ARHGAP44: variants seen among roughly 807,000 people sequenced by gnomAD.
ARHGAP44 encodes Rho GTPase activating protein 44, also known as rho GTPase-activating protein 44.
A neutral mutation model predicts 106.8 loss-of-function variants in ARHGAP44; 43 were observed. The observed-to-expected ratio is 0.40, with a 90% confidence interval of 0.32 to 0.52. The LOEUF (loss-of-function observed/expected upper bound fraction) is 0.52, where lower values mean the gene tolerates loss of function less well. ARHGAP44 is among the 20% of genes least tolerant of loss of function. ARHGAP44 has a pLI of 0.48. For missense variants in ARHGAP44, 866 were observed against 1,050.5 expected, an observed-to-expected ratio of 0.82 and a Z score of 2.43; for synonymous variants, 439 against 410.3, an observed-to-expected ratio of 1.07 and a Z score of -0.85.
chr17:12,808,594 G>A (rs1238249370), intron 1 of ARHGAP44, among the ~76,000 whole-genome samples: 1 of 152,256 alleles, frequency 6.6e-6, no homozygotes, highest in Non-Finnish European at 1.5e-5. Flanking sequence ...TGGCTGGGAT[G>A]CAGGGAACCA....
intron 1 of ARHGAP44, among the ~76,000 whole-genome samples, chr17:12,817,088 G>C (rs1295737282): frequency 6.6e-6 from 1 of 152,108 alleles, no homozygotes; most frequent in Non-Finnish European, 1.5e-5. Flanking sequence ...CCATAATGGA[G>C]TTCAACTAGA....
chr17:12,908,411 G>A (rs149230470), intron 3 of ARHGAP44, among the ~76,000 whole-genome samples: 3 of 151,858 alleles, frequency 2.0e-5, no homozygotes, highest in East Asian at 1.9e-4. Flanking sequence ...TGGCCAGGTC[G>A]GTCTCGAACT....
intron 19 of ARHGAP44, among the ~76,000 whole-genome samples, chr17:12,983,191 G>A (rs1487153892): frequency 6.6e-6 from 1 of 150,836 alleles, no homozygotes; most frequent in Non-Finnish European, 1.5e-5. Flanking sequence ...CATGAACCCG[G>A]GAGGCGGAGT....
At chr17:12,897,707 T>C (rs995313666) in intron 3 of ARHGAP44, among the ~76,000 whole-genome samples, 1 of 123,656 alleles carries the variant, frequency 8.1e-6, no homozygotes, top group Non-Finnish European at 1.8e-5. Flanking sequence ...CTTTGATCTG[T>C]GTCTTTTTTT....
chr17:12,975,811 A>AG (rs1437117450), intron 18 of ARHGAP44, among the ~76,000 whole-genome samples: 4 of 150,728 alleles, frequency 2.7e-5, no homozygotes, highest in Admixed American at 6.6e-5. Flanking sequence ...AAAAAAAAAA[A>AG]AAAAAAGAAA....
At chr17:12,905,554 C>T (rs76439920) in intron 3 of ARHGAP44, among the ~76,000 whole-genome samples, 2,963 of 152,236 alleles carry the variant, frequency 0.019, 91 homozygotes, top group African/African-American at 0.068. Context: ...TCTTGACCTT[C>T]GTTCATTTGG....
chr17:12,885,859 A>G (rs1380925982), intron 1 of ARHGAP44, among the ~76,000 whole-genome samples: 1 of 152,066 alleles, frequency 6.6e-6, no homozygotes, highest in Admixed American at 6.6e-5. Flanking sequence ...TTTAGTTTTG[A>G]AGAAGTCTAA....
chr17:12,918,934 T>C (rs914287843), intron 5 of ARHGAP44, among the ~76,000 whole-genome samples: 10 of 152,200 alleles, frequency 6.6e-5, no homozygotes, highest in African/African-American at 2.2e-4. Context: ...ATGGAGAGCC[T>C]GGCTGGTGTC....
chr17:12,906,723 C>T (rs1042980589), intron 3 of ARHGAP44, among the ~76,000 whole-genome samples: 23 of 151,870 alleles, frequency 1.5e-4, no homozygotes, highest in African/African-American at 4.8e-4. Context: ...TTGCTTGAGC[C>T]GAGGAGTTCA....
In ARHGAP44 at chr17:12,852,564, T is replaced by C. The variant is rs139362374; in HGVS notation, c.54-42376T>C. 9.4e-3 allele frequency among the ~76,000 whole-genome samples: 1,403 copies of C among 149,466 alleles called. 26 individuals are homozygous for C. The highest frequency in any genetic ancestry group is 0.058 in the East Asian group (286 of 4,922). ...GTTTGCTGTGTTTTTTTTTTTTTGA[T>C]GGCATCTTGCTCTGTTGCCCAGGCT... is the stretch of plus-strand genomic sequence containing the variant. On this transcript the variant is annotated intron_variant, in intron 1 of 20. Coordinates refer to ENST00000379672, the MANE Select transcript of ARHGAP44 (RefSeq NM_014859.6).
chr17:12,880,516 T>C (rs1346036623), intron 1 of ARHGAP44, among the ~76,000 whole-genome samples: 1 of 152,198 alleles, frequency 6.6e-6, no homozygotes, highest in Admixed American at 6.5e-5. Flanking sequence ...TGTTATTTTT[T>C]TCCAATCAAC....
chr17:12,985,109 G>A (rs1413178796), intron 20 of ARHGAP44: 1 of 633,672 alleles, frequency 1.6e-6, no homozygotes, highest in Non-Finnish European at 2.6e-6. Context: ...TCCCACACAG[G>A]GGCTTCTTAT....
At chr17:12,977,332 A>G (rs2039709160) in intron 18 of ARHGAP44, among the ~76,000 whole-genome samples, 1 of 152,046 alleles carries the variant, frequency 6.6e-6, no homozygotes, top group Non-Finnish European at 1.5e-5. Context: ...GGATGTTTGC[A>G]GCCCAGATGA....
At chr17:12,856,102 C>G (rs2035903565) in intron 1 of ARHGAP44, among the ~76,000 whole-genome samples, 1 of 152,212 alleles carries the variant, frequency 6.6e-6, no homozygotes, top group Non-Finnish European at 1.5e-5. Context: ...GCCAAGGCTT[C>G]TCCATAGCTG....
chr17:12,948,514 AC>A (rs1405643341), intron 10 of ARHGAP44, among the ~76,000 whole-genome samples: 5 of 152,088 alleles, frequency 3.3e-5, no homozygotes, highest in African/African-American at 1.2e-4. Context: ...TTCTAAAAAT[AC>A]AAAAAATTAG....
chr17:12,937,830 G>T (rs1445452759), intron 7 of ARHGAP44, among the ~76,000 whole-genome samples: 1 of 152,124 alleles, frequency 6.6e-6, no homozygotes, highest in Non-Finnish European at 1.5e-5. Context: ...GCCAGGCGTG[G>T]TGGCTCACAC....
In ARHGAP44 at chr17:12,958,902, G is replaced by T; in HGVS notation, c.1523+5G>T. On this transcript the variant is annotated splice_donor_5th_base_variant and intron_variant, in intron 16 of 20. Transcript: ENST00000379672. This position sits in a 1 kb window ranked among gnomAD's most constrained non-coding sequence, Gnocchi z 4.1. ...GGAGTTTTACAAAAAGGATGGGTAT[G>T]AACTGGTGTCTCTTTCTCAGCACTG... 6.2e-7 allele frequency: 1 copy of T among 1,600,506 alleles called. No individual in the cohort carries two copies. The highest frequency in any genetic ancestry group is 1.1e-5 in the South Asian group (1 of 88,888).
intron 1 of ARHGAP44, among the ~76,000 whole-genome samples, chr17:12,794,582 G>C (rs2033863732): frequency 6.6e-6 from 1 of 152,168 alleles, no homozygotes; most frequent in Non-Finnish European, 1.5e-5. Context: ...AGGAACTGTG[G>C]GTGTGCGGGA....
chr17:12,811,831 C>T (rs143116260), intron 1 of ARHGAP44, among the ~76,000 whole-genome samples: 2,106 of 152,294 alleles, frequency 0.014, 24 homozygotes, highest in Non-Finnish European at 0.019. Flanking sequence ...TGTCATCATG[C>T]GTGTTCTCCC....
Sources: allele counts gnomAD v4.1 joint callset (sites outside exome capture counted in the v4.1 genomes callset), GRCh38; gene constraint gnomAD v4.1.1; non-coding constraint Gnocchi (gnomAD v3.1); transcripts MANE v1.5; gene names NCBI Gene and HGNC (gene_info 2026-07-23, HGNC 2026-07-21).